BAG4: variants seen among roughly 807,000 people sequenced by gnomAD.
The protein encoded by BAG4 is BAG cochaperone 4, also known as BAG family molecular chaperone regulator 4.
Under a neutral mutation model 52.1 loss-of-function variants are expected in BAG4, and 28 were observed. The ratio of observed to expected loss-of-function variants is 0.54; its 90% CI spans 0.40 to 0.74. The LOEUF is 0.74. Ranked by LOEUF, BAG4 falls within the 30% of genes least tolerant of loss-of-function variation. BAG4 has a pLI of 0.00. For synonymous variants in BAG4, 208 were observed against 217.0 expected, an observed-to-expected ratio of 0.96 and a Z score of 0.37; for missense variants, 525 against 572.0, an observed-to-expected ratio of 0.92 and a Z score of 0.84.
At chr8:38,188,717 A>G (rs1192884564) in intron 1 of BAG4, among the ~76,000 whole-genome samples, 1 of 149,590 alleles carries the variant, frequency 6.7e-6, no homozygotes, top group Non-Finnish European at 1.5e-5. Flanking sequence ...GTATATATAT[A>G]TAAAAATATG....
Position 38,192,763 on chromosome 8 carries a change from A to G in BAG4, c.346A>G (p.Thr116Ala), listed in dbSNP as rs1450943909. ...GAGATCTAGGGCTCCTTACCCAAGT[A>G]CATATCCTGTAAGACCAGAATTGCA... ...TARSRAPYPSTYPVRPELQGQ... is the reference protein window; with the variant it reads ...TARSRAPYPSAYPVRPELQGQ... The change falls in exon 2 of 5, where the codon ACA becomes GCA. Residue 116 changes from threonine (T) to alanine (A), a missense_variant. Physicochemically the swap from Thr to Ala is moderately conservative, Grantham distance 58. Around this residue, in one of 2 missense-constraint regions of BAG4, gnomAD observed 287 missense variants for 266.1 expected, o/e 1.08. Transcript: ENST00000287322. 2.2e-5 allele frequency: 36 copies of G among 1,612,484 alleles called. No individual in the cohort carries two copies. Among genetic ancestry groups the G allele is most frequent in the Non-Finnish European group, 2.9e-5 (34 of 1,179,392 alleles).
At chr8:38,193,740 A>ATTT (rs1307318707) in intron 2 of BAG4, among the ~76,000 whole-genome samples, 2 of 90,812 alleles carry the variant, frequency 2.2e-5, no homozygotes, top group South Asian at 3.6e-4. Context: ...TAATTTTTTG[A>ATTT]TTTTTTTTTT....
chr8:38,207,636 A>C lies in BAG4; in HGVS notation c.503A>C (p.Glu168Ala). ...TATACTCAGACCAGTTACTCCACAGAAGTTCCAAGTACTTACCGTTCATCT... is the reference window on the plus strand; with the variant it reads ...TATACTCAGACCAGTTACTCCACAGCAGTTCCAAGTACTTACCGTTCATCT... ...PGYTQTSYST[E>A]VPSTYRSSGN... Residue 168 changes from glutamate to alanine, a missense_variant, in exon 3 of 5, where the codon GAA (glutamate) becomes GCA (alanine). Transcript: ENST00000287322. 1 of 1,614,080 alleles carries C rather than the reference A, an allele frequency of 6.2e-7. No homozygotes were observed.
At chr8:38,183,211 A>AT (rs1007843669) in intron 1 of BAG4, among the ~76,000 whole-genome samples, 5 of 150,564 alleles carry the variant, frequency 3.3e-5, no homozygotes, top group South Asian at 2.1e-4. Flanking sequence ...GGCCTGGCTA[A>AT]TTTTTTTTTG....
intron 1 of BAG4, among the ~76,000 whole-genome samples, chr8:38,185,096 A>G (rs1001751239): frequency 1.3e-5 from 2 of 151,966 alleles, no homozygotes; most frequent in Non-Finnish European, 2.9e-5. Flanking sequence ...TCTCAAAAAA[A>G]AAAAAAAAAA....
In BAG4 at chr8:38,213,285, T is replaced by G. The variant is rs142725480; in HGVS notation, c.*2792T>G. The stretch of plus-strand genomic sequence containing the variant: ...AGTCTTGAATAAAGTTACCCAGTCC[T>G]GGCATGATAAACACAACTATGTTTT... On this transcript the variant is annotated 3_prime_UTR_variant, in exon 5 of 5. Coordinates refer to ENST00000287322, the MANE Select transcript of BAG4 (RefSeq NM_004874.4). 407 of 152,176 alleles carry G rather than the reference T, an allele frequency of 2.7e-3. 1 individual carries two copies. The highest frequency in any genetic ancestry group is 9.6e-3 in the African/African-American group (397 of 41,502). The allele number at this position is 152,176 out of a possible 1,614,324, so 9.4% of individuals were successfully genotyped here.
rs902484253 is a variant in BAG4, at chr8:38,198,110, C to T, written c.378+5315C>T. On this transcript the variant is annotated intron_variant, in intron 2 of 4. Transcript: ENST00000287322. ...ACAAAAATGTTTCCTTGGGGCCGGGCGCGGTGGCTCACTCCTGTAATCCTA... is the reference window on the plus strand; with the variant it reads ...ACAAAAATGTTTCCTTGGGGCCGGGTGCGGTGGCTCACTCCTGTAATCCTA... Among the ~76,000 whole-genome samples the T allele has an allele frequency of 2.2e-4, 34 of 152,022 alleles. No homozygotes were observed. In the East Asian group the frequency reaches 2.3e-3, roughly 10 times the overall value.
chr8:38,178,860 T>G (rs1205776297), intron 1 of BAG4, among the ~76,000 whole-genome samples: 2 of 152,092 alleles, frequency 1.3e-5, no homozygotes. Context: ...CAGGGCCTGG[T>G]GAGATGGCTC....
intron 2 of BAG4, among the ~76,000 whole-genome samples, chr8:38,195,171 G>T (rs2130677476): frequency 6.6e-6 from 1 of 151,836 alleles, no homozygotes; most frequent in Admixed American, 6.6e-5. Context: ...GTTTTTTTGA[G>T]ACAGGGTCTT....
At chr8:38,188,583 A>G (rs1803407708) in intron 1 of BAG4, among the ~76,000 whole-genome samples, 1 of 150,406 alleles carries the variant, frequency 6.6e-6, no homozygotes, top group Non-Finnish European at 1.5e-5. Flanking sequence ...ATATACGTGT[A>G]TACACATATA....
chr8:38,191,369 T>A (rs1803470720), intron 1 of BAG4, among the ~76,000 whole-genome samples: 2 of 152,320 alleles, frequency 1.3e-5, no homozygotes, highest in South Asian at 4.1e-4. Context: ...AAGCTAATAG[T>A]GATAATCTCT....
At chr8:38,195,546 C>T (rs896978332) in intron 2 of BAG4, among the ~76,000 whole-genome samples, 1 of 152,130 alleles carries the variant, frequency 6.6e-6, no homozygotes, top group Non-Finnish European at 1.5e-5. Flanking sequence ...CCAAATTGGC[C>T]TCTCAAAGCA....
intron 2 of BAG4, among the ~76,000 whole-genome samples, chr8:38,206,348 C>G (rs1803769655): frequency 6.6e-6 from 1 of 151,410 alleles, no homozygotes; most frequent in South Asian, 2.1e-4. Context: ...AGCCTGTGCG[C>G]CTGCCTAGCT....
At chr8:38,207,470 C>T in intron 2 of BAG4, 42 bp from the exon 3 acceptor site, 1 of 1,590,176 alleles carries the variant, frequency 6.3e-7, no homozygotes, top group Non-Finnish European at 8.6e-7. Flanking sequence ...TTCAGCTCTT[C>T]TACTAATTCA....
intron 1 of BAG4, among the ~76,000 whole-genome samples, chr8:38,177,749 C>T (rs1803189528): frequency 6.6e-6 from 1 of 152,004 alleles, no homozygotes; most frequent in South Asian, 2.1e-4. Flanking sequence ...GAATAAGGAA[C>T]CGGGGCTCTG....
Position 38,210,447 on chromosome 8 carries a change from G to A in BAG4, c.1328G>A (p.Cys443Tyr). 6.3e-7 allele frequency: 1 copy of A among 1,599,564 alleles called. No homozygotes were observed. The highest frequency in any genetic ancestry group is 2.2e-5 in the East Asian group (1 of 44,828). ...SVRQARKEAV[C>Y]KIQAILEKLE... ...CGGCAGGCCAGAAAAGAGGCTGTTT[G>A]TAAGATTCAGGCCATACTGGAAAAA... The change falls in exon 5 of 5, where the codon TGT becomes TAT. Residue 443 changes from cysteine (C) to tyrosine (Y), a missense_variant. Physicochemically the swap from Cys to Tyr is radical, Grantham distance 194 (BLOSUM62 -2). Around this residue, in one of 2 missense-constraint regions of BAG4, gnomAD observed 238 missense variants for 305.8 expected, o/e 0.78. Coordinates refer to ENST00000287322, the MANE Select transcript of BAG4 (RefSeq NM_004874.4).
chr8:38,182,689 G>C (rs771429583), intron 1 of BAG4, among the ~76,000 whole-genome samples: 1 of 152,104 alleles, frequency 6.6e-6, no homozygotes, highest in Non-Finnish European at 1.5e-5. Flanking sequence ...GCTTCAGCCA[G>C]TTTCCTGTGA....
intron 1 of BAG4, 34 bp from the exon 2 acceptor site, chr8:38,192,654 A>G (rs2130674356): frequency 6.7e-7 from 1 of 1,490,630 alleles, no homozygotes; most frequent in South Asian, 1.2e-5. Context: ...TATGAATGTT[A>G]TTAAGAGTGA....
intron 3 of BAG4, among the ~76,000 whole-genome samples, chr8:38,208,168 G>A (rs932117082): frequency 6.6e-6 from 1 of 151,130 alleles, no homozygotes; most frequent in Non-Finnish European, 1.5e-5. Context: ...GTAGAGATGG[G>A]GTTTCACCAT....
Sources: gnomAD v4.1 joint callset for allele counts (sites outside exome capture counted in the v4.1 genomes callset) on GRCh38, gnomAD v4.1.1 for gene constraint, gnomAD v4.1.1 regional missense constraint, MANE v1.5 for transcripts, NCBI Gene and HGNC (gene_info 2026-07-23, HGNC 2026-07-21) for gene names.